CADM2: variants seen among roughly 807,000 people sequenced by gnomAD.
The protein encoded by CADM2 is cell adhesion molecule 2.
In CADM2, 12 loss-of-function variants were observed where a neutral mutation model predicts 49.8. The observed-to-expected ratio is 0.24, with a 90% CI of 0.15 to 0.39. The LOEUF (loss-of-function observed/expected upper bound fraction) is 0.39. Among genes scored for constraint, CADM2 ranks in the 10% least tolerant of loss-of-function variants. CADM2 has a pLI of 1.00. For synonymous variants in CADM2, 214 were observed against 175.4 expected (o/e 1.22, Z -1.74); for missense variants, 378 against 492.3 (o/e 0.77, Z 2.20).
intron 3 of CADM2, among the ~76,000 whole-genome samples, chr3:85,817,483 A>G (rs1451714782): frequency 2.8e-5 from 4 of 141,724 alleles, no homozygotes; most frequent in African/African-American, 1.1e-4. Flanking sequence ...TTTTGATAAA[A>G]ATATTGTCTG....
intron 1 of CADM2, among the ~76,000 whole-genome samples, chr3:85,266,944 C>T (rs1236085176): frequency 6.6e-6 from 1 of 151,734 alleles, no homozygotes. Flanking sequence ...GAGAAATCTT[C>T]CAATGTATTA....
chr3:85,792,370 T>A (rs1265592181), intron 2 of CADM2, among the ~76,000 whole-genome samples: 1 of 152,260 alleles, frequency 6.6e-6, no homozygotes, highest in Non-Finnish European at 1.5e-5. Flanking sequence ...TTAAATATTC[T>A]TAACATCTTG....
chr3:84,979,740 T>TAATAAAAGAAATAATAAAGAC (rs1347069934), intron 1 of CADM2, among the ~76,000 whole-genome samples: 6 of 152,240 alleles, frequency 3.9e-5, no homozygotes, highest in African/African-American at 1.4e-4. Context: ...CCTTTAGATT[T>TAATAAAAGAAATAATAAAGAC]TTATTAAGAA....
intron 1 of CADM2, among the ~76,000 whole-genome samples, chr3:85,208,953 T>C (rs1211378104): frequency 1.3e-5 from 2 of 152,170 alleles, no homozygotes; most frequent in Non-Finnish European, 2.9e-5. Context: ...CTGTGCTACA[T>C]ATTTATGTCA....
chr3:85,036,391 A>G (rs1559628493), intron 1 of CADM2, among the ~76,000 whole-genome samples: 2 of 152,210 alleles, frequency 1.3e-5, no homozygotes, highest in South Asian at 2.1e-4. Flanking sequence ...GAGGAAAAAA[A>G]TAACTTAACG....
At chr3:85,883,568 T>C (rs1450934427) in intron 4 of CADM2, 125 bp downstream of exon 4, 1 of 815,580 alleles carries the variant, frequency 1.2e-6, no homozygotes, top group Non-Finnish European at 1.7e-6. Flanking sequence ...TAATCCTTTC[T>C]CTGCTACATT....
At chr3:85,008,237 T>C (rs960142326) in intron 1 of CADM2, among the ~76,000 whole-genome samples, 7 of 152,218 alleles carry the variant, frequency 4.6e-5, no homozygotes, top group African/African-American at 1.4e-4. Context: ...GTGATTTTTT[T>C]CTATGACTTT....
At chr3:85,288,952 T>C (rs760901234) in intron 1 of CADM2, among the ~76,000 whole-genome samples, 15 of 152,164 alleles carry the variant, frequency 9.9e-5, no homozygotes, top group Non-Finnish European at 1.8e-4. Context: ...ATACACACTG[T>C]ACATTTTTAT....
At chr3:85,286,591 T>C (rs1402746491) in intron 1 of CADM2, among the ~76,000 whole-genome samples, 1 of 152,160 alleles carries the variant, frequency 6.6e-6, no homozygotes, top group Non-Finnish European at 1.5e-5. Flanking sequence ...CTAATTCAAC[T>C]AAAGTCACTC....
At chr3:85,473,312 T>C (rs1332336010) in intron 1 of CADM2, among the ~76,000 whole-genome samples, 1 of 152,074 alleles carries the variant, frequency 6.6e-6, no homozygotes, top group Non-Finnish European at 1.5e-5. Context: ...TAACTCATTC[T>C]TATTGGACAC....
At chr3:85,062,061 G>GTC (rs1234329666) in intron 1 of CADM2, among the ~76,000 whole-genome samples, 1 of 148,310 alleles carries the variant, frequency 6.7e-6, no homozygotes, top group African/African-American at 2.5e-5. Context: ...CTCTCTCTCT[G>GTC]TCTCTCTCTC....
At chr3:85,614,872 A>G (rs894831357) in intron 1 of CADM2, among the ~76,000 whole-genome samples, 1 of 151,982 alleles carries the variant, frequency 6.6e-6, no homozygotes, top group African/African-American at 2.4e-5. Flanking sequence ...CAGACAGTGC[A>G]TAACAGGCCC....
chr3:85,617,650 G>T (rs2063835614), intron 1 of CADM2, among the ~76,000 whole-genome samples: 1 of 152,090 alleles, frequency 6.6e-6, no homozygotes, highest in African/African-American at 2.4e-5. Context: ...GGGGCGTGGG[G>T]CTGAAAGTCC....
intron 1 of CADM2, among the ~76,000 whole-genome samples, chr3:85,586,468 C>T (rs1204110431): frequency 1.3e-5 from 2 of 152,008 alleles, no homozygotes; most frequent in African/African-American, 2.4e-5. Context: ...ATGATAATTA[C>T]AAGTGCAATA....
At chr3:85,568,789 G>A (rs753707870) in intron 1 of CADM2, among the ~76,000 whole-genome samples, 1 of 151,172 alleles carries the variant, frequency 6.6e-6, no homozygotes, top group South Asian at 2.1e-4. Flanking sequence ...TGTATTTTTA[G>A]TGGAGATGGG....
At chr3:85,410,453 C>G (rs927571543) in intron 1 of CADM2, among the ~76,000 whole-genome samples, 2 of 152,128 alleles carry the variant, frequency 1.3e-5, no homozygotes, top group Non-Finnish European at 2.9e-5. Context: ...TCGTGCAGCT[C>G]ATTCAGACCA....
chr3:85,112,033 TA>T (rs2038478374), intron 1 of CADM2, among the ~76,000 whole-genome samples: 1 of 151,926 alleles, frequency 6.6e-6, no homozygotes, highest in African/African-American at 2.4e-5. Flanking sequence ...CGTCTTCTAT[TA>T]ATTTCTAAGT....
chr3:85,976,181 A>T (rs960323357), intron 8 of CADM2, among the ~76,000 whole-genome samples: 5 of 151,578 alleles, frequency 3.3e-5, no homozygotes, highest in Non-Finnish European at 5.9e-5. Context: ...ATCATTTTAC[A>T]AGGGATAAAA....
chr3:85,221,217 C>A (rs1351273970), intron 1 of CADM2, among the ~76,000 whole-genome samples: 1 of 152,046 alleles, frequency 6.6e-6, no homozygotes, highest in African/African-American at 2.4e-5. Context: ...CAATTGCCAG[C>A]TTTGTAGGTC....
Sources: allele counts gnomAD v4.1 joint callset (sites outside exome capture counted in the v4.1 genomes callset), GRCh38; gene constraint gnomAD v4.1.1; transcripts MANE v1.5; gene names NCBI Gene and HGNC (gene_info 2026-07-23, HGNC 2026-07-21).